Variants in DOCK1 observed in about 807,000 individuals in gnomAD.
DOCK1 encodes the protein dedicator of cytokinesis protein 1.
Under a neutral mutation model 262.7 loss-of-function variants are expected in DOCK1, and 138 were observed. The ratio of observed to expected loss-of-function variants is 0.53; its 90% CI spans 0.46 to 0.61. The LOEUF (loss-of-function observed/expected upper bound fraction) is 0.61, where lower values mean the gene tolerates loss of function less well. Ranked by LOEUF, DOCK1 falls within the 20% of genes least tolerant of loss-of-function variation. DOCK1 has a pLI of 0.00. For missense variants in DOCK1, 1,908 were observed against 2,370.7 expected, an observed-to-expected ratio of 0.80 and a Z score of 4.05; for synonymous variants, 866 against 867.4, an observed-to-expected ratio of 1.00 and a Z score of 0.03.
At chr10:127,317,164 C>T (rs888671297) in intron 29 of DOCK1, among the ~76,000 whole-genome samples, 1 of 152,110 alleles carries the variant, frequency 6.6e-6, no homozygotes, top group Admixed American at 6.5e-5. Context: ...TCATTATATG[C>T]GTATTTTTGT....
intron 23 of DOCK1, among the ~76,000 whole-genome samples, chr10:127,101,621 G>A (rs776691331): frequency 2.6e-4 from 39 of 152,220 alleles, no homozygotes; most frequent in Admixed American, 9.2e-4. Context: ...GGAAGACCAC[G>A]GCAGGGAAGA....
rs551743183 is a variant in DOCK1, at chr10:127,196,519, C to A, written c.2848-51489C>A. Among the ~76,000 whole-genome samples, 290 of 148,090 alleles carry A rather than the reference C, an allele frequency of 2.0e-3. 2 individuals are homozygous for A. The highest frequency in any genetic ancestry group is 6.8e-3 in the African/African-American group (278 of 41,102). ...CAGCTACTCCGCGGAGCCGGGCGGC[C>A]AGAGGCGAGGGCGCCCCAAGCCGCG... On this transcript the variant is annotated intron_variant, in intron 27 of 51. Coordinates refer to ENST00000623213, the MANE Select transcript of DOCK1 (RefSeq NM_001290223.2).
intron 23 of DOCK1, among the ~76,000 whole-genome samples, chr10:127,078,325 C>G (rs1054952694): frequency 6.6e-6 from 1 of 152,040 alleles, no homozygotes; most frequent in African/African-American, 2.4e-5. Flanking sequence ...TGGAAACTTG[C>G]ATGTCTGCTT....
chr10:127,448,077 TGCAGAGGACAGCCAGGTTTG>T (rs1433455702), intron 51 of DOCK1, among the ~76,000 whole-genome samples: 1 of 152,294 alleles, frequency 6.6e-6, no homozygotes, highest in Non-Finnish European at 1.5e-5. Flanking sequence ...TTACGGAGAC[TGCAGAGGACAGCCAGGTTTG>T]GCTCCTGGGC....
chr10:126,951,095 ATAG>A (rs1160110252), intron 1 of DOCK1, among the ~76,000 whole-genome samples: 3,100 of 150,056 alleles, frequency 0.021, 84 homozygotes, highest in African/African-American at 0.066. Context: ...AGTATTGATG[ATAG>A]TGGTGGTAGT....
At chr10:127,270,999 A>G (rs11593888) in intron 29 of DOCK1, among the ~76,000 whole-genome samples, 82,123 of 133,616 alleles carry the variant, frequency 0.61, 22,509 homozygotes, top group East Asian at 0.69. Context: ...ATATGTGTGT[A>G]TGTGTGTGTG....
chr10:127,000,160 T>C lies in DOCK1; in HGVS notation c.850-12T>C. ...GGTCTCCAAAATAATTTATGGAAAC[T>C]AATATTTCTAGGACCTCGGAAGCAA... On this transcript the variant is annotated splice_polypyrimidine_tract_variant and intron_variant, in intron 9 of 51. Coordinates refer to ENST00000623213, the MANE Select transcript of DOCK1 (RefSeq NM_001290223.2). 1 of 1,613,318 alleles carries C rather than the reference T, an allele frequency of 6.2e-7. No individual in the cohort carries two copies. Among genetic ancestry groups the C allele is most frequent in the Non-Finnish European group, 8.5e-7 (1 of 1,179,486 alleles).
chr10:127,026,342 A>G lies in DOCK1; in HGVS notation c.1552-10A>G. On this transcript the variant is annotated splice_polypyrimidine_tract_variant and intron_variant, in intron 15 of 51. Transcript: ENST00000623213. Reference sequence around the variant, plus strand: ...TAACAGTGCTTAAACTTCTTTTTCAATTCTTGAAGGTGGCCATTCCCATCG... The same window carrying G: ...TAACAGTGCTTAAACTTCTTTTTCAGTTCTTGAAGGTGGCCATTCCCATCG... 6.4e-7 allele frequency: 1 copy of G among 1,558,356 alleles called. No individual in the cohort carries two copies. The highest frequency in any genetic ancestry group is 8.7e-7 in the Non-Finnish European group (1 of 1,150,070).
At chr10:127,187,736 AAGAAAGAAAGAGAGAAAGAG>A (rs1273669862) in intron 27 of DOCK1, among the ~76,000 whole-genome samples, 2 of 99,972 alleles carry the variant, frequency 2.0e-5, no homozygotes, top group Non-Finnish European at 2.4e-5. Context: ...GAGAGAAAGA[AAGAAAGAAAGAGAGAAAGAG>A]AGAAAGAAAG....
At chr10:127,198,680 T>C (rs2057322772) in intron 27 of DOCK1, among the ~76,000 whole-genome samples, 1 of 152,150 alleles carries the variant, frequency 6.6e-6, no homozygotes, top group Non-Finnish European at 1.5e-5. Context: ...TGCTTAGAGT[T>C]GTTCAATTGT....
chr10:126,945,786 G>A (rs2035352970), intron 1 of DOCK1, among the ~76,000 whole-genome samples: 1 of 152,208 alleles, frequency 6.6e-6, no homozygotes, highest in Non-Finnish European at 1.5e-5. Context: ...GCTGGCGGTC[G>A]TGAGCAGTTT....
chr10:127,118,287 CA>C (rs2049315162), intron 25 of DOCK1, among the ~76,000 whole-genome samples: 1 of 152,010 alleles, frequency 6.6e-6, no homozygotes, highest in South Asian at 2.1e-4. Context: ...CCTGCCTGAC[CA>C]ATTCTTCTCA....
At chr10:127,072,850 C>T (rs748530233) in intron 23 of DOCK1, among the ~76,000 whole-genome samples, 19 of 152,154 alleles carry the variant, frequency 1.2e-4, no homozygotes, top group Admixed American at 5.9e-4. Flanking sequence ...AAAGTCTGTG[C>T]GTCTTAATAG....
chr10:127,217,660 G>A (rs1312630777), intron 27 of DOCK1, among the ~76,000 whole-genome samples: 7 of 152,190 alleles, frequency 4.6e-5, no homozygotes, highest in Admixed American at 3.9e-4. Context: ...ATATGCTTCT[G>A]CATCTTGAAG....
chr10:127,165,372 C>G (rs1196436964), intron 27 of DOCK1, among the ~76,000 whole-genome samples: 1 of 152,170 alleles, frequency 6.6e-6, no homozygotes, highest in Non-Finnish European at 1.5e-5. Flanking sequence ...AGACTAAAAT[C>G]TTGAAATTTT....
intron 27 of DOCK1, chr10:127,128,102 T>G (rs1273777580): frequency 6.0e-6 from 1 of 165,492 alleles, no homozygotes; most frequent in East Asian, 1.7e-4. Flanking sequence ...AAAAAGTAAT[T>G]GAGATTCTTC....
chr10:127,218,829 G>C (rs1056151622), intron 27 of DOCK1, among the ~76,000 whole-genome samples: 2 of 152,172 alleles, frequency 1.3e-5, no homozygotes, highest in Non-Finnish European at 2.9e-5. Context: ...TGGCTGGGAA[G>C]TCCAAAATCA....
In DOCK1 at chr10:127,175,595, C is replaced by T. The variant is rs747825338; in HGVS notation, c.2847+47831C>T. The T allele has an allele frequency of 6.8e-6, 11 of 1,612,438 alleles. No individual in the cohort carries two copies. The highest frequency in any genetic ancestry group is 1.1e-5 in the South Asian group (1 of 91,072). ...CGGCTGCAGAGTCTGACAAACCAGG[C>T]TCGGGGGCCCTGGCACTGAGGGCAG... On this transcript the variant is annotated intron_variant, in intron 27 of 51. Coordinates refer to ENST00000623213, the MANE Select transcript of DOCK1 (RefSeq NM_001290223.2). The surrounding 1 kb of genome is among the most constrained non-coding windows in gnomAD (Gnocchi z 6.3).
intron 1 of DOCK1, among the ~76,000 whole-genome samples, chr10:126,952,898 ATGG>A (rs1175693531): frequency 5.3e-4 from 5 of 9,434 alleles, no homozygotes; most frequent in Non-Finnish European, 8.8e-4. Context: ...ATTGTAGGTG[ATGG>A]TGGTGGTGAT....
Sources: allele counts gnomAD v4.1 joint callset (sites outside exome capture counted in the v4.1 genomes callset), GRCh38; gene constraint gnomAD v4.1.1; non-coding constraint Gnocchi (gnomAD v3.1); transcripts MANE v1.5; gene names NCBI Gene and HGNC (gene_info 2026-07-23, HGNC 2026-07-21).